CNBD1: variants seen among roughly 807,000 people sequenced by gnomAD.
CNBD1 encodes the protein cyclic nucleotide binding domain containing 1, also known as cyclic nucleotide-binding domain-containing protein 1.
CNBD1 carries 71 observed loss-of-function variants against 54.4 expected under a neutral mutation model. The observed-to-expected ratio is 1.30, with a 90% confidence interval of 1.08 to 1.59. The LOEUF (loss-of-function observed/expected upper bound fraction) is 1.59. Among genes scored for constraint, CNBD1 ranks in the 40% most tolerant of loss-of-function variants. The pLI, the probability that CNBD1 is intolerant of heterozygous loss-of-function variation, is 0.00. For synonymous variants in CNBD1, 182 were observed against 170.7 expected (o/e 1.07, Z -0.51); for missense variants, 659 against 518.0 (o/e 1.27, Z -2.64).
Position 87,381,339 on chromosome 8 carries a change from C to G in CNBD1, c.1304-1281C>G, listed in dbSNP as rs146622814. ...ACAAAACCACAGTGAAATATTACCTCATACCTATTAGCATTGCTTATATTT... is the reference window on the plus strand; with the variant it reads ...ACAAAACCACAGTGAAATATTACCTGATACCTATTAGCATTGCTTATATTT... On this transcript the variant is annotated intron_variant, in intron 10 of 10. Transcript: ENST00000518476. Among the ~76,000 whole-genome samples, 352 of 152,124 alleles carry G rather than the reference C, an allele frequency of 2.3e-3. 2 individuals carry two copies. The highest frequency in any genetic ancestry group is 7.2e-3 in the African/African-American group (298 of 41,540).
At chr8:87,302,525 C>G (rs1047288013) in intron 8 of CNBD1, among the ~76,000 whole-genome samples, 2 of 151,764 alleles carry the variant, frequency 1.3e-5, no homozygotes, top group African/African-American at 4.8e-5. Context: ...AACCCACAGC[C>G]AATATCCTGA....
At chr8:87,129,936 C>T (rs142341309) in intron 4 of CNBD1, among the ~76,000 whole-genome samples, 2,396 of 152,268 alleles carry the variant, frequency 0.016, 65 homozygotes, top group African/African-American at 0.055. Context: ...GCCTCACAAT[C>T]ATGGTGGAAG....
chr8:87,112,007 C>T (rs764796392), intron 4 of CNBD1, among the ~76,000 whole-genome samples: 34 of 152,170 alleles, frequency 2.2e-4, no homozygotes, highest in Admixed American at 3.9e-4. Flanking sequence ...GTCACCAAGA[C>T]CTCCCTTATT....
intron 5 of CNBD1, among the ~76,000 whole-genome samples, chr8:87,226,505 A>T (rs994283443): frequency 6.8e-6 from 1 of 146,810 alleles, no homozygotes; most frequent in South Asian, 2.1e-4. Flanking sequence ...TGTACCCAGT[A>T]GTCATTCAGG....
At chr8:86,991,392 GTC>G (rs57076430) in intron 4 of CNBD1, among the ~76,000 whole-genome samples, 2,915 of 149,046 alleles carry the variant, frequency 0.02, 94 homozygotes, top group African/African-American at 0.06. Flanking sequence ...CACTCTCTCT[GTC>G]TCTCTCTCTC....
At chr8:87,302,265 C>T (rs1809018660) in intron 8 of CNBD1, among the ~76,000 whole-genome samples, 1 of 152,170 alleles carries the variant, frequency 6.6e-6, no homozygotes, top group African/African-American at 2.4e-5. Flanking sequence ...CTGAATCCAG[C>T]AGCACATCAA....
rs549679220 is a variant in CNBD1, at chr8:86,930,388, G to A, written c.273-9208G>A. On this transcript the variant is annotated intron_variant, in intron 3 of 10. Coordinates refer to ENST00000518476, the MANE Select transcript of CNBD1 (RefSeq NM_173538.3). Reference sequence around the variant, plus strand: ...TGCTGGCAGGAGGCTTCCGAACTGGGAGCCAAAAGTAATTCATCCACATAC... The same window carrying A: ...TGCTGGCAGGAGGCTTCCGAACTGGAAGCCAAAAGTAATTCATCCACATAC... Among the ~76,000 whole-genome samples the A allele has an allele frequency of 3.9e-5, 6 of 152,240 alleles. No individual in the cohort carries two copies. In the South Asian group the frequency reaches 1.2e-3, roughly 32 times the overall value.
chr8:86,883,789 A>G (rs1278242490), intron 1 of CNBD1, among the ~76,000 whole-genome samples: 3 of 152,232 alleles, frequency 2.0e-5, no homozygotes, highest in Non-Finnish European at 4.4e-5. Flanking sequence ...TAGAAAAGAT[A>G]AACGTAGATT....
chr8:87,171,284 T>C (rs1186620244), intron 4 of CNBD1, among the ~76,000 whole-genome samples: 3 of 152,142 alleles, frequency 2.0e-5, no homozygotes, highest in Non-Finnish European at 4.4e-5. Flanking sequence ...TCATATCTTC[T>C]AGATTTTGCA....
intron 6 of CNBD1, among the ~76,000 whole-genome samples, chr8:87,246,344 T>C (rs1037249719): frequency 5.3e-4 from 80 of 152,192 alleles, no homozygotes; most frequent in African/African-American, 1.9e-3. Context: ...AAATGGATGA[T>C]GCCAATAACT....
chr8:87,369,955 T>C (rs1029553073), intron 10 of CNBD1, among the ~76,000 whole-genome samples: 4 of 151,868 alleles, frequency 2.6e-5, no homozygotes, highest in Admixed American at 6.6e-5. Flanking sequence ...TCAATTCCCA[T>C]CTATGAGTGA....
intron 4 of CNBD1, among the ~76,000 whole-genome samples, chr8:87,127,552 C>A (rs1812017094): frequency 6.6e-6 from 1 of 151,848 alleles, no homozygotes; most frequent in Admixed American, 6.6e-5. Flanking sequence ...TGGATTTTTT[C>A]ATAGGTTTCT....
intron 4 of CNBD1, among the ~76,000 whole-genome samples, chr8:87,169,588 A>G (rs1397959126): frequency 2.0e-5 from 3 of 152,182 alleles, no homozygotes; most frequent in African/African-American, 7.2e-5. Context: ...TTTTGTATAC[A>G]GTGAGATTTA....
Position 87,379,271 on chromosome 8 carries a change from C to G in CNBD1, c.1304-3349C>G, listed in dbSNP as rs142530981. 9.7e-3 allele frequency among the ~76,000 whole-genome samples: 1,472 copies of G among 152,036 alleles called. 21 individuals carry two copies. Among genetic ancestry groups the G allele is most frequent in the African/African-American group, 0.033 (1,359 of 41,500 alleles). Reference sequence around the variant, plus strand: ...CTACAAAGAGACTTAGACTCCCACACATTAATAATGGGAGACTTTAACACC... The same window carrying G: ...CTACAAAGAGACTTAGACTCCCACAGATTAATAATGGGAGACTTTAACACC... On this transcript the variant is annotated intron_variant, in intron 10 of 10. Transcript: ENST00000518476.
intron 4 of CNBD1, among the ~76,000 whole-genome samples, chr8:87,165,350 G>T (rs547022437): frequency 6.6e-6 from 1 of 151,784 alleles, no homozygotes; most frequent in Admixed American, 6.6e-5. Flanking sequence ...GTGAAAATGG[G>T]GTATTATAGT....
At chr8:86,919,572 C>T (rs947035015) in intron 3 of CNBD1, among the ~76,000 whole-genome samples, 3 of 152,126 alleles carry the variant, frequency 2.0e-5, no homozygotes, top group South Asian at 2.1e-4. Flanking sequence ...TGTTACAAAA[C>T]GTATACTCCT....
At chr8:87,400,442 A>C (rs575412630) in intron 2 of CNBD1, among the ~76,000 whole-genome samples, 11 of 151,996 alleles carry the variant, frequency 7.2e-5, no homozygotes, top group Non-Finnish European at 1.5e-4. Context: ...TTAAATTATT[A>C]CATTCTACAT....
chr8:87,091,989 T>C (rs1271772553), intron 4 of CNBD1, among the ~76,000 whole-genome samples: 3 of 152,126 alleles, frequency 2.0e-5, no homozygotes, highest in Non-Finnish European at 2.9e-5. Context: ...TATATTGTTA[T>C]TATGCGTTAT....
chr8:87,373,014 A>G (rs1413686856), intron 10 of CNBD1, among the ~76,000 whole-genome samples: 1 of 151,790 alleles, frequency 6.6e-6, no homozygotes, highest in Non-Finnish European at 1.5e-5. Context: ...ACATACTTAT[A>G]TGATATTTTT....
Sources: gnomAD v4.1 joint callset for allele counts (sites outside exome capture counted in the v4.1 genomes callset) on GRCh38, gnomAD v4.1.1 for gene constraint, MANE v1.5 for transcripts, NCBI Gene and HGNC (gene_info 2026-07-23, HGNC 2026-07-21) for gene names.